Variants in TNNI3K observed in about 807,000 individuals in gnomAD.
TNNI3K encodes serine/threonine-protein kinase TNNI3K.
A neutral mutation model predicts 114.5 loss-of-function variants in TNNI3K; 140 were observed. That is an observed-to-expected ratio of 1.22 (90% CI 1.07 to 1.41). The LOEUF is 1.41. Ranked by LOEUF, TNNI3K falls within the 40% of genes most tolerant of loss-of-function variation. The pLI, the probability that TNNI3K is intolerant of heterozygous loss-of-function variation, is 0.00. For missense variants in TNNI3K, 1,125 were observed against 1,007.6 expected (o/e 1.12, Z -1.58); for synonymous variants, 347 against 347.5 (o/e 1.00, Z 0.02).
chr1:74,269,285 A>G (rs1195587830), intron 4 of TNNI3K, among the ~76,000 whole-genome samples: 7 of 151,906 alleles, frequency 4.6e-5, no homozygotes, highest in African/African-American at 7.2e-5. Context: ...TCACGTAAAC[A>G]TAGTAAAATA....
chr1:74,485,499 T>C (rs1668711016), intron 21 of TNNI3K, among the ~76,000 whole-genome samples: 1 of 152,144 alleles, frequency 6.6e-6, no homozygotes, highest in Non-Finnish European at 1.5e-5. Flanking sequence ...ATAAGCAGGA[T>C]TCTAACATGA....
intron 21 of TNNI3K, among the ~76,000 whole-genome samples, chr1:74,486,907 A>G (rs1248528004): frequency 6.6e-6 from 1 of 152,196 alleles, no homozygotes; most frequent in African/African-American, 2.4e-5. Flanking sequence ...AAGTGAAATG[A>G]CCACTGAGAT....
intron 5 of TNNI3K, 94 bp from the exon 6 acceptor site, chr1:74,331,356 C>G: frequency 2.3e-6 from 3 of 1,305,754 alleles, no homozygotes; most frequent in Non-Finnish European, 3.1e-6. Flanking sequence ...GGTGGCAACT[C>G]CTGATGAAGA....
intron 21 of TNNI3K, among the ~76,000 whole-genome samples, chr1:74,486,844 G>T (rs1668793169): frequency 6.6e-6 from 1 of 152,064 alleles, no homozygotes; most frequent in Non-Finnish European, 1.5e-5. Flanking sequence ...AAAGCCAATT[G>T]AAAAACATGT....
chr1:74,247,753 G>A (rs1393922084), intron 2 of TNNI3K, among the ~76,000 whole-genome samples: 2 of 152,172 alleles, frequency 1.3e-5, no homozygotes, highest in Non-Finnish European at 2.9e-5. Flanking sequence ...CAGACACAGA[G>A]TGCTGATTGG....
At chr1:74,281,312 A>T (rs1656998306) in intron 5 of TNNI3K, among the ~76,000 whole-genome samples, 1 of 146,554 alleles carries the variant, frequency 6.8e-6, no homozygotes, top group Non-Finnish European at 1.5e-5. Flanking sequence ...AAAGTGGATT[A>T]TACTATCACC....
At chr1:74,349,726 C>G (rs1485077786) in intron 9 of TNNI3K, among the ~76,000 whole-genome samples, 1 of 152,156 alleles carries the variant, frequency 6.6e-6, no homozygotes, top group African/African-American at 2.4e-5. Flanking sequence ...AGGAATTTAT[C>G]CATTTCTTCT....
At chr1:74,371,532 T>TAG (rs34897643) in intron 17 of TNNI3K, 151,488 of 151,884 alleles carry the variant, frequency 1, 75,548 homozygotes, top group Non-Finnish European at 1. Flanking sequence ...GAAAGATGGG[T>TAG]AGTTTGGAAG....
At chr1:74,480,199 G>A in intron 21 of TNNI3K, 1 of 717,536 alleles carries the variant, frequency 1.4e-6, no homozygotes, top group East Asian at 2.7e-5. Flanking sequence ...GTCCTGGGAG[G>A]AGGGGACTTC....
At chr1:74,302,159 A>T (rs1658366537) in intron 5 of TNNI3K, among the ~76,000 whole-genome samples, 1 of 152,192 alleles carries the variant, frequency 6.6e-6, no homozygotes, top group Admixed American at 6.5e-5. Context: ...AAACTTTGTC[A>T]ATATTATATC....
intron 17 of TNNI3K, among the ~76,000 whole-genome samples, chr1:74,382,253 T>C (rs1663241813): frequency 6.6e-6 from 1 of 152,182 alleles, no homozygotes; most frequent in Non-Finnish European, 1.5e-5. Flanking sequence ...TCACTTGACG[T>C]TTTTCTGCTT....
chr1:74,497,152 G>A (rs557028062), intron 23 of TNNI3K, among the ~76,000 whole-genome samples: 2 of 152,236 alleles, frequency 1.3e-5, no homozygotes, highest in South Asian at 4.1e-4. Flanking sequence ...TTTACTCAAA[G>A]TTTTTCTGGG....
At chr1:74,450,957 G>A (rs1382535537) in intron 20 of TNNI3K, among the ~76,000 whole-genome samples, 2 of 152,110 alleles carry the variant, frequency 1.3e-5, no homozygotes, top group African/African-American at 4.8e-5. Flanking sequence ...CTTGTGTTCA[G>A]TGTGCAGCAC....
intron 4 of TNNI3K, among the ~76,000 whole-genome samples, chr1:74,253,688 G>A (rs115171240): frequency 0.025 from 3,806 of 152,092 alleles, 174 homozygotes; most frequent in African/African-American, 0.087. Flanking sequence ...TAGCTGGGCC[G>A]CAAGCCCCGC....
intron 23 of TNNI3K, among the ~76,000 whole-genome samples, chr1:74,538,927 T>C (rs6604872): frequency 0.41 from 61,965 of 152,096 alleles, 15,002 homozygotes; most frequent in Non-Finnish European, 0.56. Flanking sequence ...CAGAACCTTA[T>C]AGGTAGAGCA....
At chr1:74,350,186 G>C (rs1661259484) in intron 9 of TNNI3K, among the ~76,000 whole-genome samples, 1 of 151,980 alleles carries the variant, frequency 6.6e-6, no homozygotes. Context: ...TGTTCTCGTT[G>C]GTTTCAAAGA....
rs1646388103 is a variant in TNNI3K at position 74,518,873 on chromosome 1, C to CTTTTTTTTTTTTTTTTTTTTT, written c.2352-21361_2352-21360insTTTTTTTTTTTTTTTTTTTTT. Among the ~76,000 whole-genome samples the CTTTTTTTTTTTTTTTTTTTTT allele has an allele frequency of 2.0e-5, 2 of 100,358 alleles. 1 individual carries two copies. The allele number at this position is 100,358 out of a possible 152,430, so 65.8% of individuals were successfully genotyped here. The stretch of plus-strand genomic sequence containing the variant: ...TTTTATTTTATTTTATTTTTTTTCC[C>CTTTTTTTTTTTTTTTTTTTTT]CTTTTTTTTTTTTTTTTTTTTATTA... On this transcript the variant is annotated intron_variant, in intron 23 of 24. Transcript: ENST00000326637.
intron 11 of TNNI3K, 39 bp downstream of exon 11, chr1:74,354,168 G>A: frequency 1.9e-6 from 3 of 1,612,140 alleles, no homozygotes; most frequent in East Asian, 2.2e-5. Context: ...GTGATACATT[G>A]AACTGTGTGC....
intron 17 of TNNI3K, among the ~76,000 whole-genome samples, chr1:74,426,811 A>G (rs1254341377): frequency 6.6e-6 from 1 of 152,086 alleles, no homozygotes; most frequent in African/African-American, 2.4e-5. Flanking sequence ...GAATCCGGTG[A>G]CACTTCTGTG....
Sources: gnomAD v4.1 joint callset for allele counts (sites outside exome capture counted in the v4.1 genomes callset) on GRCh38, gnomAD v4.1.1 for gene constraint, MANE v1.5 for transcripts, NCBI Gene and HGNC (gene_info 2026-07-23, HGNC 2026-07-21) for gene names.